The following GP6 variants were observed in gnomAD, a reference collection of about 807,000 sequenced individuals.
The protein encoded by GP6 is glycoprotein VI platelet, also known as platelet glycoprotein VI.
GP6 carries 45 observed loss-of-function variants against 37.3 expected under a neutral mutation model. The observed-to-expected ratio is 1.21, with a 90% CI of 0.95 to 1.55. The LOEUF is 1.55. Ranked by LOEUF, GP6 falls within the 40% of genes most tolerant of loss-of-function variation. The probability of loss-of-function intolerance (pLI) is 0.00; values close to 1 mark genes in which losing one functional copy is unlikely to be tolerated. For missense variants in GP6, 813 were observed against 760.2 expected, an observed-to-expected ratio of 1.07 and a Z score of -0.82; for synonymous variants, 340 against 316.4, an observed-to-expected ratio of 1.07 and a Z score of -0.79.
chr19:55,017,537 A>T (rs1054349774), intron 6 of GP6, among the ~76,000 whole-genome samples: 4 of 152,158 alleles, frequency 2.6e-5, no homozygotes, highest in African/African-American at 7.2e-5. Context: ...AAGAAAAGGC[A>T]GAGTGAGTGG....
In GP6 at chr19:55,032,144, G is replaced by T; in HGVS notation, c.320C>A (p.Ala107Asp). ...TCCGATCCCCCTTCCTTTACCCGTG[G>T]CAACGAGCTCCAGCTGGTCGCTGGG... Residue 107 changes from alanine to aspartate, a missense_variant, in exon 3 of 8, where the codon GCC becomes GAC. Transcript: ENST00000310373. The T allele has an allele frequency of 6.2e-7, 1 of 1,613,742 alleles. No homozygotes were observed. Among genetic ancestry groups the T allele is most frequent in the Non-Finnish European group, 8.5e-7 (1 of 1,179,920 alleles).
In GP6 at chr19:55,014,544, G is replaced by A. The variant is rs1270992019; in HGVS notation, c.1401C>T (p.Ser467=). ...GAAGCACGGGAGGATTTTGCACAGA[G>A]GATGGAACAGAGTCAACCCTGAGAG... is the stretch of plus-strand genomic sequence containing the variant. Residue 467 remains serine, a synonymous_variant, in exon 8 of 8, where the codon TCC becomes TCT. Coordinates refer to ENST00000310373, the MANE Select transcript of GP6 (RefSeq NM_001083899.2). The A allele has an allele frequency of 6.2e-7, 1 of 1,613,602 alleles. No individual in the cohort carries two copies. Among genetic ancestry groups the A allele is most frequent in the Non-Finnish European group, 8.5e-7 (1 of 1,179,502 alleles).
chr19:55,024,531 G>A (rs924454637), intron 5 of GP6, among the ~76,000 whole-genome samples: 4 of 152,170 alleles, frequency 2.6e-5, no homozygotes, highest in South Asian at 2.1e-4. Context: ...TGTTAGACAC[G>A]CCCAGCCTCC....
intron 1 of GP6, chr19:55,032,971 G>A (rs1363400047): frequency 1.4e-5 from 1 of 73,606 alleles, no homozygotes; most frequent in South Asian, 1.4e-4. Flanking sequence ...GGACTCGTTC[G>A]TGTTGTGTTA....
intron 1 of GP6, among the ~76,000 whole-genome samples, chr19:55,034,921 C>T (rs1056693676): frequency 6.6e-6 from 1 of 152,144 alleles, no homozygotes; most frequent in Non-Finnish European, 1.5e-5. Context: ...TTGTCCACCC[C>T]AGGCTCCCTC....
At position 55,021,997 on chromosome 19, in the gene GP6, G is replaced by GT. The variant is rs932474247; in HGVS notation, c.664+3220dup. On this transcript the variant is annotated intron_variant, in intron 5 of 7. Coordinates refer to ENST00000310373, the MANE Select transcript of GP6 (RefSeq NM_001083899.2). ...CATGTCCTTTACCCACTTTTTAATG[G>GT]TTTTTTTTTTCTTGTAAATTTGTTT... Among the ~76,000 whole-genome samples, 691 of 148,488 alleles carry GT rather than the reference G, an allele frequency of 4.7e-3. 8 individuals carry two copies. The highest frequency in any genetic ancestry group is 0.016 in the African/African-American group (646 of 40,550).
intron 3 of GP6, among the ~76,000 whole-genome samples, chr19:55,030,504 A>AATT (rs202107906): frequency 2.6e-4 from 39 of 150,834 alleles, no homozygotes; most frequent in African/African-American, 9.2e-4. Flanking sequence ...GCGCCCAGCT[A>AATT]ATTATTATTA....
intron 3 of GP6, among the ~76,000 whole-genome samples, chr19:55,028,452 A>G (rs558582567): frequency 2.0e-5 from 3 of 152,298 alleles, no homozygotes; most frequent in South Asian, 4.1e-4. Context: ...TCTAGGTAAC[A>G]ATACTGCAGT....
chr19:55,025,204 C>A lies in GP6; in HGVS notation c.664+14G>T. ...TCATACGCTGTGCACCAGAATGGAC[C>A]CTGCAGAACCTACCTGCTACCGGGG... On this transcript the variant is annotated intron_variant, in intron 5 of 7. Transcript: ENST00000310373. 1 of 1,488,800 alleles carries A rather than the reference C, an allele frequency of 6.7e-7. No homozygotes were observed. Among genetic ancestry groups the A allele is most frequent in the Non-Finnish European group, 9.2e-7 (1 of 1,089,460 alleles). 92.2% of individuals were successfully genotyped at this position (1,488,800 alleles called of 1,614,324 possible). A position where few individuals can be genotyped will look rare whatever the true frequency, so the allele number is the denominator to read the frequency against.
Position 55,014,398 on chromosome 19 carries a change from C to G in GP6, c.1547G>C (p.Gly516Ala), listed in dbSNP as rs1003451309. ...TACACTAAGGAAAATGAATGACATA[C>G]CCAAACTGCCTGCAAGACCCGTTCT... The change falls in exon 8 of 8, where the codon GGT (glycine) becomes GCT (alanine). Residue 516 changes from glycine (G) to alanine (A), a missense_variant. Transcript: ENST00000310373. 6.2e-7 allele frequency: 1 copy of G among 1,613,652 alleles called. No homozygotes were observed.
chr19:55,026,382 G>T (rs879860898), intron 4 of GP6, among the ~76,000 whole-genome samples: 1 of 152,044 alleles, frequency 6.6e-6, no homozygotes, highest in African/African-American at 2.4e-5. Flanking sequence ...ATTGTACTTT[G>T]TGTTTCTACA....
intron 3 of GP6, among the ~76,000 whole-genome samples, chr19:55,028,394 A>G (rs1349805698): frequency 6.6e-6 from 1 of 152,164 alleles, no homozygotes; most frequent in East Asian, 1.9e-4. Flanking sequence ...TAATGTCCCT[A>G]TTTTATAAAT....
At chr19:55,016,846 AAGAGATCGAG>A (rs2073894505) in intron 6 of GP6, among the ~76,000 whole-genome samples, 1 of 151,754 alleles carries the variant, frequency 6.6e-6, no homozygotes, top group African/African-American at 2.4e-5. Context: ...ACCTGAGGTC[AAGAGATCGAG>A]ACCATCCTGG....
At chr19:55,038,097 CTT>C in intron 1 of GP6, 104 bp downstream of exon 1, 1 of 945,240 alleles carries the variant, frequency 1.1e-6, no homozygotes, top group Non-Finnish European at 1.7e-6. Flanking sequence ...TTACAGGTTC[CTT>C]TTTGTCCTGA....
intron 5 of GP6, among the ~76,000 whole-genome samples, chr19:55,021,799 C>T (rs936296025): frequency 3.9e-5 from 6 of 152,118 alleles, no homozygotes; most frequent in South Asian, 2.1e-4. Context: ...GGATTACCGG[C>T]GTGAGCCACC....
At chr19:55,029,322 A>G (rs1294805423) in intron 3 of GP6, among the ~76,000 whole-genome samples, 3 of 830 alleles carry the variant, frequency 3.6e-3, no homozygotes, top group African/African-American at 0.017. Context: ...TGGCATATAT[A>G]TATATATATA....
At chr19:55,034,508 A>G (rs754349471) in intron 1 of GP6, among the ~76,000 whole-genome samples, 7 of 151,754 alleles carry the variant, frequency 4.6e-5, no homozygotes, top group Admixed American at 2.0e-4. Context: ...GTGAGCCAAG[A>G]TCACGCCACT....
chr19:55,024,008 T>C (rs1423356346), intron 5 of GP6, among the ~76,000 whole-genome samples: 30 of 151,994 alleles, frequency 2.0e-4, no homozygotes, highest in Admixed American at 2.0e-3. Context: ...GACGGAAGAG[T>C]TCTGTACAGT....
intron 6 of GP6, among the ~76,000 whole-genome samples, chr19:55,015,995 C>A (rs1319190941): frequency 2.0e-5 from 3 of 151,976 alleles, no homozygotes; most frequent in Non-Finnish European, 4.4e-5. Context: ...AAAAATTAGC[C>A]AGGCGTGGTG....
Sources: allele counts gnomAD v4.1 joint callset (sites outside exome capture counted in the v4.1 genomes callset), GRCh38; gene constraint gnomAD v4.1.1; transcripts MANE v1.5; gene names NCBI Gene and HGNC (gene_info 2026-07-23, HGNC 2026-07-21).